Variants in NUDT14 observed in about 807,000 individuals in gnomAD.
The protein encoded by NUDT14 is nudix hydrolase 14.
NUDT14 carries 22 observed loss-of-function variants against 17.5 expected under a neutral mutation model. That is an observed-to-expected ratio of 1.26 (90% CI 0.90 to 1.80). NUDT14 has a LOEUF of 1.80. NUDT14 is among the 40% of genes most tolerant of loss of function. The probability of loss-of-function intolerance (pLI) is 0.00; values close to 1 mark genes in which losing one functional copy is unlikely to be tolerated. For synonymous variants in NUDT14, 129 were observed against 125.8 expected (o/e 1.03, Z -0.17); for missense variants, 296 against 295.6 (o/e 1.00, Z -0.01).
intron 4 of NUDT14, among the ~76,000 whole-genome samples, chr14:105,174,735 C>T (rs1164161992): frequency 6.6e-6 from 1 of 152,106 alleles, no homozygotes; most frequent in Non-Finnish European, 1.5e-5. Flanking sequence ...TTGGCCCGGG[C>T]TGAGAGGAAT....
chr14:105,178,867 C>A (rs587725616), intron 1 of NUDT14, among the ~76,000 whole-genome samples: 4 of 152,180 alleles, frequency 2.6e-5, no homozygotes, highest in Non-Finnish European at 4.4e-5. Context: ...GAGGCAAAGG[C>A]GTCCTGGGAG....
intron 1 of NUDT14, among the ~76,000 whole-genome samples, chr14:105,180,809 A>AT (rs1037803170): frequency 1.3e-5 from 2 of 152,124 alleles, no homozygotes; most frequent in Non-Finnish European, 2.9e-5. Context: ...GCCTTCCCTG[A>AT]TCCCCAGGGC....
In NUDT14 at chr14:105,181,155, G is replaced by T; in HGVS notation, c.55C>A (p.Arg19=). The change falls in exon 1 of 5, where the codon CGG becomes AGG. Residue 19 remains arginine (R), a synonymous_variant. Transcript: ENST00000392568. The surrounding 1 kb of genome is among the most constrained non-coding windows in gnomAD (Gnocchi z 5.0). ...VGRCAASPYL[R]PLTLHYRQNG... ...TGGCGGTAATGCAGCGTGAGCGGCC[G>T]CAGGTAGGGTGAGGCGGCGCAGCGG... 1 of 1,161,452 alleles carries T rather than the reference G, an allele frequency of 8.6e-7. No individual in the cohort carries two copies. The allele number at this position is 1,161,452 out of a possible 1,614,324, so 71.9% of individuals were successfully genotyped here.
At position 105,175,933 on chromosome 14, in the gene NUDT14, C is replaced by T. The variant is rs778162130; in HGVS notation, c.428+601G>A. On this transcript the variant is annotated intron_variant, in intron 4 of 4. Coordinates refer to ENST00000392568, the MANE Select transcript of NUDT14 (RefSeq NM_177533.5). ...AGCTGGTGGGGGTGGGGGTCTGTGA[C>T]ACCCTCCTCCTTCCCCAAGACCTCA... 52 of 1,251,220 alleles carry T rather than the reference C, an allele frequency of 4.2e-5. No homozygotes were observed. In the African/African-American group the frequency reaches 7.3e-4, roughly 18 times the overall value. The allele number at this position is 1,251,220 out of a possible 1,614,324, so 77.5% of individuals were successfully genotyped here.
At position 105,176,648 on chromosome 14, in the gene NUDT14, G is replaced by A; in HGVS notation, c.314C>T (p.Ala105Val). The A allele has an allele frequency of 1.9e-6, 3 of 1,612,750 alleles. No individual in the cohort carries two copies. The highest frequency in any genetic ancestry group is 1.6e-4 in the Middle Eastern group (1 of 6,062). Residue 105 changes from alanine (A) to valine (V), a missense_variant, in exon 4 of 5, where the codon GCC becomes GTC. By Grantham distance (64) the Ala-to-Val change is moderately conservative. Coordinates refer to ENST00000392568, the MANE Select transcript of NUDT14 (RefSeq NM_177533.5). ...GAGCCCAGGCTGGTCCACGAGGCCG[G>A]CACACAGCTCAACTGTCACCCCCGC... ...GSAGVTVELC[A>V]GLVDQPGLSL...
chr14:105,175,888 G>C, intron 4 of NUDT14: 1 of 1,177,960 alleles, frequency 8.5e-7, no homozygotes, highest in South Asian at 1.5e-5. Flanking sequence ...CTCTGGAGGA[G>C]GCTGTGGAGG....
In NUDT14 at chr14:105,176,635, G is replaced by C; in HGVS notation, c.327C>G (p.Asp109Glu). ...VTVELCAGLV[D>E]QPGLSLEEVA... is the part of the protein sequence containing the mutation. ...CTTCCTCCAGCGAGAGCCCAGGCTG[G>C]TCCACGAGGCCGGCACACAGCTCAA... Residue 109 changes from aspartate to glutamate, a missense_variant, in exon 4 of 5, where the codon GAC becomes GAG. Physicochemically the swap from Asp to Glu is conservative, Grantham distance 45. Coordinates refer to ENST00000392568, the MANE Select transcript of NUDT14 (RefSeq NM_177533.5). 1 of 1,612,762 alleles carries C rather than the reference G, an allele frequency of 6.2e-7. No individual in the cohort carries two copies. The highest frequency in any genetic ancestry group is 8.5e-7 in the Non-Finnish European group (1 of 1,179,978).
chr14:105,179,488 G>A (rs1889283670), intron 1 of NUDT14, among the ~76,000 whole-genome samples: 1 of 152,266 alleles, frequency 6.6e-6, no homozygotes, highest in Admixed American at 6.5e-5. Flanking sequence ...CCCTTCAGCA[G>A]AGCTGTGCCG....
chr14:105,181,223 C>A lies in NUDT14; in HGVS notation c.-14G>T. 1 of 1,002,518 alleles carries A rather than the reference C, an allele frequency of 1.0e-6. No individual in the cohort carries two copies. The highest frequency in any genetic ancestry group is 1.2e-6 in the Non-Finnish European group (1 of 810,316). The allele number at this position is 1,002,518 out of a possible 1,614,324, so 62.1% of individuals were successfully genotyped here. The stretch of plus-strand genomic sequence containing the variant: ...GATGCGCTCCATGGCGGCGCCCGGA[C>A]AGGCGGGGGCCGCGAGCTCTGCGGG... On this transcript the variant is annotated 5_prime_UTR_variant, in exon 1 of 5. Coordinates refer to ENST00000392568, the MANE Select transcript of NUDT14 (RefSeq NM_177533.5). The surrounding 1 kb of genome is among the most constrained non-coding windows in gnomAD (Gnocchi z 5.0).
At chr14:105,174,555 G>A (rs1889171399) in intron 4 of NUDT14, among the ~76,000 whole-genome samples, 1 of 152,062 alleles carries the variant, frequency 6.6e-6, no homozygotes, top group South Asian at 2.1e-4. Flanking sequence ...ACTCACCCCA[G>A]ACCGACCTTA....
intron 4 of NUDT14, among the ~76,000 whole-genome samples, chr14:105,176,266 C>G (rs1750247671): frequency 6.6e-6 from 1 of 152,204 alleles, no homozygotes; most frequent in African/African-American, 2.4e-5. Flanking sequence ...GTAGAGGCAC[C>G]TGTCAGCAGC....
In NUDT14 at chr14:105,173,275, CA is replaced by C; in HGVS notation, c.429-15del. 1 of 1,510,122 alleles carries C rather than the reference CA, an allele frequency of 6.6e-7. No individual in the cohort carries two copies. Among genetic ancestry groups the C allele is most frequent in the Non-Finnish European group, 8.9e-7 (1 of 1,129,140 alleles). The allele number at this position is 1,510,122 out of a possible 1,614,324, so 93.5% of individuals were successfully genotyped here. A position where few individuals can be genotyped will look rare whatever the true frequency, so the allele number is the denominator to read the frequency against. On this transcript the variant is annotated splice_polypyrimidine_tract_variant and intron_variant, in intron 4 of 4. Coordinates refer to ENST00000392568, the MANE Select transcript of NUDT14 (RefSeq NM_177533.5). The surrounding 1 kb of genome is among the most constrained non-coding windows in gnomAD (Gnocchi z 4.7). ...CCCACTCCAGACCTACGGGTTGAGA[CA>C]GGGTCTGCTGAGTCACCCACGCTGG...
chr14:105,177,796 G>A (rs971227075), intron 1 of NUDT14, 61 bp from the exon 2 acceptor site: 10 of 1,547,948 alleles, frequency 6.5e-6, no homozygotes, highest in East Asian at 2.3e-5. Context: ...TCGGGGAACC[G>A]AGGAGGCCAC....
In NUDT14 at chr14:105,181,302, A is replaced by G; in HGVS notation, c.-93T>C. On this transcript the variant is annotated 5_prime_UTR_variant, in exon 1 of 5. Transcript: ENST00000392568. The surrounding 1 kb of genome is among the most constrained non-coding windows in gnomAD (Gnocchi z 5.0). ...ACAGGAGCCTTCGGGCGGGCGCGTGACCGCGGCTCTGAGCATGCTCCGTGG... is the reference window on the plus strand; with the variant it reads ...ACAGGAGCCTTCGGGCGGGCGCGTGGCCGCGGCTCTGAGCATGCTCCGTGG... The G allele has an allele frequency of 2.2e-6, 1 of 452,966 alleles. No individual in the cohort carries two copies. The highest frequency in any genetic ancestry group is 2.9e-6 in the Non-Finnish European group (1 of 341,020). The allele number at this position is 452,966 out of a possible 1,614,324, so 28.1% of individuals were successfully genotyped here.
rs747633718 is a variant in NUDT14, at chr14:105,176,734, C to G, written c.228G>C (p.Gly76=). 4.3e-6 allele frequency: 7 copies of G among 1,612,468 alleles called. No individual in the cohort carries two copies. In the Admixed American group the frequency reaches 1.0e-4, roughly 23 times the overall value. ...YAGEVERRFP[G]SLAAVDQDGP... ...CGTCCTGGTCTACAGCTGCTAGGGA[C>G]CCTGGGAAGCGGCGCTCCACCTCAC... Residue 76 remains glycine (G), a synonymous_variant, in exon 4 of 5, where the codon GGG becomes GGC. Transcript: ENST00000392568.
chr14:105,181,227 CG>C lies in NUDT14; in HGVS notation c.-19del. On this transcript the variant is annotated 5_prime_UTR_variant, in exon 1 of 5. Transcript: ENST00000392568. This position sits in a 1 kb window ranked among gnomAD's most constrained non-coding sequence, Gnocchi z 5.0. The stretch of plus-strand genomic sequence containing the variant: ...CGCTCCATGGCGGCGCCCGGACAGG[CG>C]GGGGCCGCGAGCTCTGCGGGGGCCG... 7 of 262,076 alleles carry C rather than the reference CG, an allele frequency of 2.7e-5. No homozygotes were observed. The highest frequency in any genetic ancestry group is 2.1e-4 in the South Asian group (2 of 9,406). The allele number at this position is 262,076 out of a possible 1,614,324, so 16.2% of individuals were successfully genotyped here.
At position 105,172,941 on chromosome 14, in the gene NUDT14, G is replaced by A. The variant is rs115869881; in HGVS notation, c.*80C>T. On this transcript the variant is annotated 3_prime_UTR_variant, in exon 5 of 5. Transcript: ENST00000392568. ...GCTCAGAACCAGCAGGCAGAAGCTGGAGCTATGCAAGCCTTTATTGGGGTC... is the reference window on the plus strand; with the variant it reads ...GCTCAGAACCAGCAGGCAGAAGCTGAAGCTATGCAAGCCTTTATTGGGGTC... The A allele has an allele frequency of 5.6e-3, 7,594 of 1,355,106 alleles. 368 individuals are homozygous for A. In the African/African-American group the frequency reaches 0.1, roughly 18 times the overall value. The allele number at this position is 1,355,106 out of a possible 1,614,324, so 83.9% of individuals were successfully genotyped here. A position where few individuals can be genotyped will look rare whatever the true frequency, so the allele number is the denominator to read the frequency against.
chr14:105,176,348 A>G (rs1273680140), intron 4 of NUDT14, 186 bp downstream of exon 4: 8 of 620,074 alleles, frequency 1.3e-5, no homozygotes, highest in Non-Finnish European at 2.3e-5. Context: ...CGCTGCAGAG[A>G]GAGCCCCAAG....
chr14:105,178,921 CAGGTCAGGCAGCCCGAG>C, intron 1 of NUDT14, among the ~76,000 whole-genome samples: 1 of 152,184 alleles, frequency 6.6e-6, no homozygotes, highest in Admixed American at 6.5e-5. Flanking sequence ...GCGTCCCGCG[CAGGTCAGGCAGCCCGAG>C]AGGCCGTGGG....
Sources: allele counts gnomAD v4.1 joint callset (sites outside exome capture counted in the v4.1 genomes callset), GRCh38; gene constraint gnomAD v4.1.1; non-coding constraint Gnocchi (gnomAD v3.1); transcripts MANE v1.5; gene names NCBI Gene and HGNC (gene_info 2026-07-23, HGNC 2026-07-21).